The following WDR47 variants were observed in gnomAD, a reference collection of about 807,000 sequenced individuals.
WDR47 encodes WD repeat domain 47, also known as WD repeat-containing protein 47.
A neutral mutation model predicts 97.2 loss-of-function variants in WDR47; 32 were observed. The ratio of observed to expected loss-of-function variants is 0.33; its 90% CI spans 0.25 to 0.44. WDR47 has a LOEUF of 0.44. Among genes scored for constraint, WDR47 ranks in the 20% least tolerant of loss-of-function variants. WDR47 has a pLI of 1.00. For missense variants in WDR47, 782 were observed against 1,102.3 expected (o/e 0.71, Z 4.11); for synonymous variants, 375 against 373.5 (o/e 1.00, Z -0.05).
At chr1:108,979,859 TC>T (rs1658204545) in intron 13 of WDR47, among the ~76,000 whole-genome samples, 1 of 152,026 alleles carries the variant, frequency 6.6e-6, no homozygotes, top group Non-Finnish European at 1.5e-5. Context: ...AAACCAGGGG[TC>T]CCCAAGCCCC....
intron 13 of WDR47, among the ~76,000 whole-genome samples, chr1:108,976,878 G>A (rs1657943366): frequency 6.6e-6 from 1 of 152,178 alleles, no homozygotes; most frequent in South Asian, 2.1e-4. Context: ...GTGATCTGAG[G>A]TGAGACTAGA....
chr1:109,006,545 A>C (rs1660637682), intron 5 of WDR47, among the ~76,000 whole-genome samples: 1 of 152,224 alleles, frequency 6.6e-6, no homozygotes, highest in African/African-American at 2.4e-5. Context: ...GTAACATTTC[A>C]TTTAATTTTG....
intron 12 of WDR47, 76 bp downstream of exon 12, chr1:108,982,533 A>T (rs1440098231): frequency 6.6e-7 from 1 of 1,504,260 alleles, no homozygotes. Flanking sequence ...GTCTCTTAGA[A>T]AAGAAAATGC....
chr1:109,013,943 A>G lies in WDR47; in HGVS notation c.243-18T>C. 5 of 1,583,142 alleles carry G rather than the reference A, an allele frequency of 3.2e-6. No homozygotes were observed. The highest frequency in any genetic ancestry group is 4.3e-6 in the Non-Finnish European group (5 of 1,160,610). On this transcript the variant is annotated intron_variant, in intron 3 of 14. Coordinates refer to ENST00000369962, the MANE Select transcript of WDR47 (RefSeq NM_001142551.2). ...AACGAAACCTGTGGGAAAAAAATGA[A>G]GCATTAATTTTTCCAATGTCTGATG...
At chr1:108,991,053 G>A (rs889070675) in intron 9 of WDR47, among the ~76,000 whole-genome samples, 1 of 151,396 alleles carries the variant, frequency 6.6e-6, no homozygotes, top group African/African-American at 2.4e-5. Context: ...GGTTGGAGTG[G>A]TGCAACGGCT....
intron 13 of WDR47, among the ~76,000 whole-genome samples, chr1:108,977,230 C>A (rs1381966352): frequency 6.6e-6 from 1 of 152,146 alleles, no homozygotes; most frequent in African/African-American, 2.4e-5. Context: ...TGGCTCACTA[C>A]AACCTCCGCC....
chr1:108,977,679 T>C (rs1658015888), intron 13 of WDR47, among the ~76,000 whole-genome samples: 1 of 152,040 alleles, frequency 6.6e-6, no homozygotes, highest in African/African-American at 2.4e-5. Context: ...AGGTGAAACC[T>C]CGCCTCCACT....
At chr1:108,991,175 T>C (rs969653476) in intron 9 of WDR47, 79 bp downstream of exon 9, 4 of 1,404,992 alleles carry the variant, frequency 2.8e-6, no homozygotes, top group Middle Eastern at 1.8e-4. Context: ...AAAATGGTTC[T>C]TTCTTTGAAT....
At chr1:108,986,386 A>G (rs1006903562) in intron 10 of WDR47, 137 bp downstream of exon 10, 7 of 713,904 alleles carry the variant, frequency 9.8e-6, no homozygotes, top group African/African-American at 1.8e-5. Flanking sequence ...CAGTTATTTT[A>G]TAACAGAAAA....
chr1:108,980,406 C>T (rs1356794444), intron 13 of WDR47, among the ~76,000 whole-genome samples: 1 of 151,856 alleles, frequency 6.6e-6, no homozygotes, highest in African/African-American at 2.4e-5. Context: ...GGAATAGTAC[C>T]ATAGAATTCT....
At chr1:109,006,120 C>T (rs1660591993) in intron 5 of WDR47, among the ~76,000 whole-genome samples, 2 of 151,996 alleles carry the variant, frequency 1.3e-5, no homozygotes, top group Non-Finnish European at 2.9e-5. Flanking sequence ...TTGGGCTGGG[C>T]ACAGTGGCTC....
chr1:109,016,236 C>T (rs1325124268), intron 3 of WDR47, among the ~76,000 whole-genome samples: 2 of 152,008 alleles, frequency 1.3e-5, no homozygotes, highest in African/African-American at 4.8e-5. Context: ...GACCTGGTCT[C>T]TACAAAAAAT....
intron 14 of WDR47, among the ~76,000 whole-genome samples, chr1:108,973,845 T>G (rs1657667810): frequency 6.6e-6 from 1 of 151,652 alleles, no homozygotes; most frequent in Non-Finnish European, 1.5e-5. Context: ...ATCGTGCCAC[T>G]GCACTCCAGC....
intron 7 of WDR47, among the ~76,000 whole-genome samples, chr1:108,998,690 AT>A (rs1475228117): frequency 2.6e-5 from 4 of 152,216 alleles, no homozygotes; most frequent in South Asian, 4.2e-4. Flanking sequence ...TCATGCTATA[AT>A]TTTTTTCAAT....
chr1:108,991,232 A>G, intron 9 of WDR47, 22 bp downstream of exon 9: 3 of 1,593,314 alleles, frequency 1.9e-6, no homozygotes, highest in Non-Finnish European at 1.7e-6. Context: ...AAACAATAAA[A>G]CTTCCTTCCC....
At chr1:108,975,287 AATTTT>A (rs1294571270) in intron 13 of WDR47, among the ~76,000 whole-genome samples, 3 of 151,772 alleles carry the variant, frequency 2.0e-5, no homozygotes, top group Admixed American at 2.0e-4. Flanking sequence ...TAAAATAAAT[AATTTT>A]ATTTTATAAA....
intron 1 of WDR47, among the ~76,000 whole-genome samples, chr1:109,034,678 T>C (rs923809624): frequency 6.6e-6 from 1 of 152,176 alleles, no homozygotes; most frequent in Non-Finnish European, 1.5e-5. Context: ...TATGTGAATC[T>C]AATGCCTGTT....
At chr1:109,015,906 C>T (rs975478342) in intron 3 of WDR47, among the ~76,000 whole-genome samples, 26 of 150,542 alleles carry the variant, frequency 1.7e-4, no homozygotes, top group Non-Finnish European at 3.1e-4. Context: ...TCGCTTGAAC[C>T]TGGGAAGCAG....
In WDR47 at chr1:108,983,456, A is replaced by G; in HGVS notation, c.1926-5T>C. ...TGCTTAGGAGTCTCATGTGCACTGA[A>G]AAGAAAAATTACAGAAATATATTTC... is the stretch of plus-strand genomic sequence containing the variant. On this transcript the variant is annotated splice_region_variant and splice_polypyrimidine_tract_variant and intron_variant, in intron 10 of 14. Transcript: ENST00000369962. 6.5e-7 allele frequency: 1 copy of G among 1,543,802 alleles called. No individual in the cohort carries two copies. The highest frequency in any genetic ancestry group is 2.0e-5 in the Admixed American group (1 of 50,170).
Sources: gnomAD v4.1 joint callset for allele counts (sites outside exome capture counted in the v4.1 genomes callset) on GRCh38, gnomAD v4.1.1 for gene constraint, MANE v1.5 for transcripts, NCBI Gene and HGNC (gene_info 2026-07-23, HGNC 2026-07-21) for gene names.